The following PPP4R4 variants were observed in gnomAD, a reference collection of about 807,000 sequenced individuals.
The protein encoded by PPP4R4 is serine/threonine-protein phosphatase 4 regulatory subunit 4.
In PPP4R4, 70 loss-of-function variants were observed where a neutral mutation model predicts 121.8. That is an observed-to-expected ratio of 0.57 (90% confidence interval 0.47 to 0.70). The LOEUF (loss-of-function observed/expected upper bound fraction) is 0.70, where lower values mean the gene tolerates loss of function less well. Ranked by LOEUF, PPP4R4 falls within the 30% of genes least tolerant of loss-of-function variation. The pLI, the probability that PPP4R4 is intolerant of heterozygous loss-of-function variation, is 0.00. For synonymous variants in PPP4R4, 348 were observed against 355.7 expected (o/e 0.98, Z 0.24); for missense variants, 875 against 1,033.6 (o/e 0.85, Z 2.10).
chr14:94,249,635 A>G (rs1165904989), intron 14 of PPP4R4, among the ~76,000 whole-genome samples: 1 of 152,060 alleles, frequency 6.6e-6, no homozygotes, highest in Non-Finnish European at 1.5e-5. Context: ...AATTGAAAGG[A>G]CAAAGGGACT....
chr14:94,226,615 A>C (rs1891718122), intron 3 of PPP4R4, among the ~76,000 whole-genome samples: 1 of 152,152 alleles, frequency 6.6e-6, no homozygotes, highest in Admixed American at 6.6e-5. Flanking sequence ...TTTTATAATG[A>C]AGAGGGCTAT....
chr14:94,268,481 C>A (rs781782395), intron 23 of PPP4R4, among the ~76,000 whole-genome samples: 19 of 152,196 alleles, frequency 1.2e-4, no homozygotes, highest in Non-Finnish European at 2.4e-4. Flanking sequence ...ACCTTAAGAA[C>A]CAAGAGAGTA....
intron 3 of PPP4R4, chr14:94,227,865 T>G: frequency 1.0e-6 from 1 of 985,574 alleles, no homozygotes; most frequent in Non-Finnish European, 1.2e-6. Context: ...TGATGTATAC[T>G]GGCCACATCA....
At position 94,254,920 on chromosome 14, in the gene PPP4R4, C is replaced by G. The variant is rs142706413; in HGVS notation, c.1866-1540C>G. 7.5e-4 allele frequency among the ~76,000 whole-genome samples: 114 copies of G among 152,230 alleles called. 1 individual carries two copies. The Middle Eastern group carries it at 0.041, about 55-fold the overall frequency. On this transcript the variant is annotated intron_variant, in intron 16 of 24. Transcript: ENST00000304338. ...AACCCAGTCTAGACTGTGGTAGTGC[C>G]TTAGACCACCTTAGACTAGGTCCTT...
chr14:94,234,444 T>A (rs1892216116), intron 6 of PPP4R4, 118 bp from the exon 7 acceptor site: 1 of 646,806 alleles, frequency 1.5e-6, no homozygotes, highest in African/African-American at 1.8e-5. Flanking sequence ...TATTATTTTT[T>A]TTCTATTAAA....
intron 23 of PPP4R4, among the ~76,000 whole-genome samples, chr14:94,267,578 G>T (rs538835709): frequency 5.9e-5 from 9 of 152,204 alleles, no homozygotes; most frequent in African/African-American, 2.2e-4. Flanking sequence ...ACAAAAACAG[G>T]CAGTGGATTG....
chr14:94,197,469 ATT>A (rs1889942420), intron 2 of PPP4R4, among the ~76,000 whole-genome samples: 1 of 152,156 alleles, frequency 6.6e-6, no homozygotes, highest in Non-Finnish European at 1.5e-5. Flanking sequence ...GATTCAGGAA[ATT>A]TTAAAAAATG....
intron 3 of PPP4R4, among the ~76,000 whole-genome samples, chr14:94,222,962 G>A (rs1273808257): frequency 6.6e-6 from 1 of 150,582 alleles, no homozygotes; most frequent in Non-Finnish European, 1.5e-5. Flanking sequence ...TGATTCATTG[G>A]TGTTTTATTC....
At position 94,279,527 on chromosome 14, in the gene PPP4R4, T is replaced by C. The variant is rs547454463; in HGVS notation, c.*884T>C. 46 of 152,728 alleles carry C rather than the reference T, an allele frequency of 3.0e-4. No homozygotes were observed. Among genetic ancestry groups the C allele is most frequent in the Admixed American group, 7.2e-4 (11 of 15,302 alleles). The allele number at this position is 152,728 out of a possible 1,614,324, so 9.5% of individuals were successfully genotyped here. A position where few individuals can be genotyped will look rare whatever the true frequency, so the allele number is the denominator to read the frequency against. ...TTTTAAACTGTCAGTTCTTGAGATA[T>C]ACCGTGTGAAGCTATTGTCAGCTTC... On this transcript the variant is annotated 3_prime_UTR_variant, in exon 25 of 25. Coordinates refer to ENST00000304338, the MANE Select transcript of PPP4R4 (RefSeq NM_058237.2).
At chr14:94,227,217 G>T in intron 3 of PPP4R4, 1 of 1,254,676 alleles carries the variant, frequency 8.0e-7, no homozygotes. Flanking sequence ...AGTAATGTAA[G>T]AGGAATGGTA....
chr14:94,214,647 A>G (rs1199659848), intron 3 of PPP4R4, among the ~76,000 whole-genome samples: 1 of 152,168 alleles, frequency 6.6e-6, no homozygotes, highest in Non-Finnish European at 1.5e-5. Context: ...GTTTTTACAG[A>G]AAGCATTCAC....
chr14:94,250,134 A>G (rs377270090), intron 14 of PPP4R4, 38 bp from the exon 15 acceptor site: 15 of 1,342,446 alleles, frequency 1.1e-5, no homozygotes, highest in East Asian at 2.3e-5. Flanking sequence ...GACTAGAATT[A>G]GCCTAGTGTA....
In PPP4R4 at chr14:94,174,574, A is replaced by G; in HGVS notation, c.109A>G (p.Ser37Gly). 6.2e-7 allele frequency: 1 copy of G among 1,611,482 alleles called. No homozygotes were observed. The highest frequency in any genetic ancestry group is 8.5e-7 in the Non-Finnish European group (1 of 1,178,966). Residue 37 changes from serine (S) to glycine (G), a missense_variant, in exon 1 of 25, where the codon AGC becomes GGC. Ser to Gly is a moderately conservative substitution (Grantham distance 56, BLOSUM62 0). Coordinates refer to ENST00000304338, the MANE Select transcript of PPP4R4 (RefSeq NM_058237.2). ...CATCATCGAGAGGCCGGTCCGCCGG[A>G]GCCTCAAGGTGCGCCCCGGGGAGAG... is the stretch of plus-strand genomic sequence containing the variant. ...LTIIERPVRR[S>G]LKTPEEIERL... is the part of the protein sequence containing the mutation.
chr14:94,240,923 G>A (rs1292711942), intron 9 of PPP4R4, 128 bp downstream of exon 9: 2 of 1,190,190 alleles, frequency 1.7e-6, no homozygotes, highest in Non-Finnish European at 2.2e-6. Flanking sequence ...AATCTTATGA[G>A]ATCTTAGAAT....
intron 19 of PPP4R4, among the ~76,000 whole-genome samples, chr14:94,261,379 C>A (rs1256256929): frequency 6.6e-6 from 1 of 151,872 alleles, no homozygotes; most frequent in Non-Finnish European, 1.5e-5. Flanking sequence ...TTTTTTGTTG[C>A]TGGAGTATAA....
chr14:94,174,487 G>A lies in PPP4R4; in HGVS notation c.22G>A (p.Ala8Thr). 5.0e-6 allele frequency: 8 copies of A among 1,605,662 alleles called. No individual in the cohort carries two copies. Among genetic ancestry groups the A allele is most frequent in the Non-Finnish European group, 6.8e-6 (8 of 1,176,720 alleles). MHPPPPAAAMDFSQNSLF... is the reference protein window; with the variant it reads MHPPPPATAMDFSQNSLF... ...GTCCATGCATCCGCCGCCGCCCGCC[G>A]CCGCGATGGATTTCAGTCAGAACAG... Residue 8 changes from alanine (A) to threonine (T), a missense_variant, in exon 1 of 25, where the codon GCC becomes ACC. Ala to Thr is a moderately conservative substitution (Grantham distance 58). Coordinates refer to ENST00000304338, the MANE Select transcript of PPP4R4 (RefSeq NM_058237.2).
At chr14:94,231,143 C>T in intron 4 of PPP4R4, 99 bp from the exon 5 acceptor site, 1 of 851,426 alleles carries the variant, frequency 1.2e-6, no homozygotes, top group Middle Eastern at 2.4e-4. Flanking sequence ...TAATTATTTC[C>T]ATTTTATCAT....
At chr14:94,231,352 T>A in intron 5 of PPP4R4, 37 bp downstream of exon 5, 1 of 1,521,428 alleles carries the variant, frequency 6.6e-7, no homozygotes, top group Non-Finnish European at 9.0e-7. Flanking sequence ...AATAAGTAAG[T>A]CACTCTAAGG....
chr14:94,272,242 A>G (rs1894376731), intron 23 of PPP4R4, among the ~76,000 whole-genome samples: 1 of 152,176 alleles, frequency 6.6e-6, no homozygotes, highest in Admixed American at 6.5e-5. Context: ...GATTGACACC[A>G]CCTGACTTCA....
Sources: allele counts gnomAD v4.1 joint callset (sites outside exome capture counted in the v4.1 genomes callset), GRCh38; gene constraint gnomAD v4.1.1; transcripts MANE v1.5; gene names NCBI Gene and HGNC (gene_info 2026-07-23, HGNC 2026-07-21).